The following SGMS1 variants were observed in gnomAD, a reference collection of about 807,000 sequenced individuals.
SGMS1 encodes the protein phosphatidylcholine:ceramide cholinephosphotransferase 1.
In SGMS1, 13 loss-of-function variants were observed where a neutral mutation model predicts 46.2. That is an observed-to-expected ratio of 0.28 (90% CI 0.18 to 0.45). SGMS1 has a LOEUF of 0.45. Ranked by LOEUF, SGMS1 falls within the 20% of genes least tolerant of loss-of-function variation. The pLI is 1.00. For missense variants in SGMS1, 324 were observed against 519.9 expected, an observed-to-expected ratio of 0.62 and a Z score of 3.66; for synonymous variants, 203 against 187.8, an observed-to-expected ratio of 1.08 and a Z score of -0.66.
intron 3 of SGMS1, among the ~76,000 whole-genome samples, chr10:50,509,425 C>T (rs1018391109): frequency 3.9e-5 from 6 of 152,268 alleles, no homozygotes; most frequent in Non-Finnish European, 5.9e-5. Context: ...TCCAGTAAGA[C>T]ATTTGATAAG....
intron 2 of SGMS1, among the ~76,000 whole-genome samples, chr10:50,560,480 A>G (rs574155893): frequency 2.8e-5 from 4 of 142,078 alleles, no homozygotes; most frequent in African/African-American, 1.0e-4. Context: ...CATATATGTA[A>G]TACATATTAC....
At chr10:50,552,005 T>C (rs1202157945) in intron 2 of SGMS1, among the ~76,000 whole-genome samples, 1 of 152,206 alleles carries the variant, frequency 6.6e-6, no homozygotes, top group East Asian at 1.9e-4. Context: ...TCTGCTATTA[T>C]AGCACCAAAA....
chr10:50,556,148 C>T (rs2133838907), intron 2 of SGMS1, among the ~76,000 whole-genome samples: 1 of 152,314 alleles, frequency 6.6e-6, no homozygotes, highest in South Asian at 2.1e-4. Context: ...CCTAATACAA[C>T]TCTCGGTCAC....
At position 50,559,387 on chromosome 10, in the gene SGMS1, A is replaced by G. The variant is rs1838215011; in HGVS notation, c.-589+30766T>C. 3.3e-5 allele frequency among the ~76,000 whole-genome samples: 5 copies of G among 152,288 alleles called. No individual in the cohort carries two copies. The South Asian group carries it at 1.0e-3, about 32-fold the overall frequency. ...ATCACTTATCTTCCACATGTTTTCCATATCTGTAATCCTGTCCACAAAAGC... is the reference window on the plus strand; with the variant it reads ...ATCACTTATCTTCCACATGTTTTCCGTATCTGTAATCCTGTCCACAAAAGC... On this transcript the variant is annotated intron_variant, in intron 2 of 10. Coordinates refer to ENST00000361781, the MANE Select transcript of SGMS1 (RefSeq NM_147156.4).
intron 3 of SGMS1, among the ~76,000 whole-genome samples, chr10:50,506,613 C>T (rs1837709037): frequency 6.6e-6 from 1 of 152,152 alleles, no homozygotes; most frequent in Non-Finnish European, 1.5e-5. Context: ...GCAGAGCTGC[C>T]CACTCACTCC....
At chr10:50,426,273 A>G (rs996746933) in intron 6 of SGMS1, among the ~76,000 whole-genome samples, 1 of 152,356 alleles carries the variant, frequency 6.6e-6, no homozygotes, top group African/African-American at 2.4e-5. Context: ...AAATGTTTTA[A>G]GAGAAAATTA....
At chr10:50,355,920 G>A (rs1032889814) in intron 6 of SGMS1, among the ~76,000 whole-genome samples, 2 of 151,886 alleles carry the variant, frequency 1.3e-5, no homozygotes, top group Middle Eastern at 3.2e-3. Context: ...TCTTTGCCCC[G>A]CCGCCACCCT....
At chr10:50,390,492 G>A (rs1848751300) in intron 6 of SGMS1, among the ~76,000 whole-genome samples, 3 of 152,182 alleles carry the variant, frequency 2.0e-5, no homozygotes, top group South Asian at 2.1e-4. Flanking sequence ...TCAGCTGGGC[G>A]TGGTAGCACA....
At chr10:50,496,881 TTTTGG>T (rs1837619818) in intron 3 of SGMS1, among the ~76,000 whole-genome samples, 1 of 152,180 alleles carries the variant, frequency 6.6e-6, no homozygotes, top group African/African-American at 2.4e-5. Context: ...AGGATAAAGC[TTTTGG>T]CATCCAAGTA....
At chr10:50,503,323 G>C (rs1564419159) in intron 3 of SGMS1, among the ~76,000 whole-genome samples, 1 of 152,196 alleles carries the variant, frequency 6.6e-6, no homozygotes, top group Admixed American at 6.5e-5. Context: ...AGCGGAGTGA[G>C]ACCTTGCTCC....
intron 3 of SGMS1, among the ~76,000 whole-genome samples, chr10:50,486,701 A>G (rs1837524044): frequency 6.6e-6 from 1 of 152,256 alleles, no homozygotes; most frequent in Non-Finnish European, 1.5e-5. Context: ...GTGCTTTTAC[A>G]CTGTTGATGG....
intron 3 of SGMS1, among the ~76,000 whole-genome samples, chr10:50,511,592 T>C (rs1837755892): frequency 6.6e-6 from 1 of 152,308 alleles, no homozygotes; most frequent in East Asian, 1.9e-4. Flanking sequence ...CCATGTGATG[T>C]TACCTTAGGA....
intron 5 of SGMS1, among the ~76,000 whole-genome samples, chr10:50,437,980 A>G (rs1353259875): frequency 6.6e-6 from 1 of 152,220 alleles, no homozygotes; most frequent in Non-Finnish European, 1.5e-5. Flanking sequence ...TTGCATTTCT[A>G]CAGTAGAGAA....
At chr10:50,594,686 C>G (rs1838574037) in intron 1 of SGMS1, among the ~76,000 whole-genome samples, 1 of 151,918 alleles carries the variant, frequency 6.6e-6, no homozygotes, top group African/African-American at 2.4e-5. Flanking sequence ...ATCTGCATTT[C>G]TAGGAAAAAT....
In SGMS1 at chr10:50,439,663, G is replaced by A. The variant is rs1011699835; in HGVS notation, c.-312-6107C>T. Among the ~76,000 whole-genome samples, 4 of 152,182 alleles carry A rather than the reference G, an allele frequency of 2.6e-5. No homozygotes were observed. In the East Asian group the frequency reaches 7.7e-4, roughly 29 times the overall value. The stretch of plus-strand genomic sequence containing the variant: ...TTCTAAAAACTAAGTTTTGTGGCAA[G>A]AGGGAAAAATAACACCATATAAACA... On this transcript the variant is annotated intron_variant, in intron 5 of 10. Transcript: ENST00000361781.
At chr10:50,367,869 T>C (rs146615912) in intron 6 of SGMS1, among the ~76,000 whole-genome samples, 1 of 152,156 alleles carries the variant, frequency 6.6e-6, no homozygotes, top group African/African-American at 2.4e-5. Flanking sequence ...ATCCATGAAG[T>C]AGGTCACCAC....
intron 7 of SGMS1, chr10:50,342,231 T>A (rs1847832054): frequency 6.6e-6 from 1 of 152,212 alleles, no homozygotes; most frequent in African/African-American, 2.4e-5. Flanking sequence ...AAACTCCAAG[T>A]ATCTTGTATT....
At chr10:50,556,022 T>C (rs1838186498) in intron 2 of SGMS1, among the ~76,000 whole-genome samples, 1 of 152,070 alleles carries the variant, frequency 6.6e-6, no homozygotes, top group African/African-American at 2.4e-5. Context: ...TCTCCTCCAT[T>C]CCCAAAGGAG....
At chr10:50,509,083 C>A (rs1466778115) in intron 3 of SGMS1, among the ~76,000 whole-genome samples, 2 of 152,208 alleles carry the variant, frequency 1.3e-5, no homozygotes, top group African/African-American at 4.8e-5. Flanking sequence ...TAGTAAATCC[C>A]AGTTTTAAAT....
Sources: gnomAD v4.1 joint callset for allele counts (sites outside exome capture counted in the v4.1 genomes callset) on GRCh38, gnomAD v4.1.1 for gene constraint, MANE v1.5 for transcripts, NCBI Gene and HGNC (gene_info 2026-07-23, HGNC 2026-07-21) for gene names.